Variants in GSE1 observed in about 807,000 individuals in gnomAD.
The protein encoded by GSE1 is Gse1 coiled-coil protein, also known as genetic suppressor element 1.
GSE1 carries 32 observed loss-of-function variants against 112.6 expected under a neutral mutation model. The ratio of observed to expected loss-of-function variants is 0.28; its 90% CI spans 0.21 to 0.38. The LOEUF is 0.38. Among genes scored for constraint, GSE1 ranks in the 10% least tolerant of loss-of-function variants. GSE1 has a pLI of 1.00. For synonymous variants in GSE1, 1,115 were observed against 735.6 expected (o/e 1.52, Z -8.35); for missense variants, 2,348 against 1,699.2 (o/e 1.38, Z -6.71).
intron 1 of GSE1, among the ~76,000 whole-genome samples, chr16:85,563,134 G>C (rs1195015663): frequency 6.6e-6 from 1 of 152,050 alleles, no homozygotes; most frequent in Non-Finnish European, 1.5e-5. Flanking sequence ...AGGGAGTTCG[G>C]GGGTGAGGGA....
intron 1 of GSE1, among the ~76,000 whole-genome samples, chr16:85,228,933 C>T (rs1366868540): frequency 3.9e-5 from 6 of 152,242 alleles, no homozygotes; most frequent in Admixed American, 3.9e-4. Context: ...GCCATCCCAG[C>T]CTTGCAGCCT....
At chr16:85,441,055 C>T (rs1467917098) in intron 2 of GSE1, among the ~76,000 whole-genome samples, 1 of 152,204 alleles carries the variant, frequency 6.6e-6, no homozygotes, top group African/African-American at 2.4e-5. Context: ...AGATGGGTGG[C>T]AGCTGATCCC....
upstream of GSE1, among the ~76,000 whole-genome samples, chr16:85,554,506 G>C (rs1299869801): frequency 6.6e-6 from 1 of 152,176 alleles, no homozygotes; most frequent in Non-Finnish European, 1.5e-5. Flanking sequence ...CCAGTGCAGG[G>C]AGAGTGTGGG....
intron 2 of GSE1, among the ~76,000 whole-genome samples, chr16:85,546,576 G>A (rs1453783905): frequency 6.6e-6 from 1 of 152,214 alleles, no homozygotes; most frequent in Non-Finnish European, 1.5e-5. Context: ...AGGTGTTGCT[G>A]GCTTCAGTAT....
intron 1 of GSE1, among the ~76,000 whole-genome samples, chr16:85,208,866 A>G (rs1316594666): frequency 1.5e-4 from 13 of 87,204 alleles, no homozygotes; most frequent in African/African-American, 2.6e-4. Flanking sequence ...GGTTCACCAT[A>G]TGTTGGGGTT....
At chr16:85,655,126 G>A (rs1270361999) in intron 5 of GSE1, 135 bp downstream of exon 5, 4 of 669,442 alleles carry the variant, frequency 6.0e-6, no homozygotes, top group Non-Finnish European at 1.1e-5. Flanking sequence ...CCCTGAAATC[G>A]TCCCCAGCTT....
At chr16:85,386,438 G>A (rs1597565246) in intron 2 of GSE1, among the ~76,000 whole-genome samples, 1 of 152,184 alleles carries the variant, frequency 6.6e-6, no homozygotes, top group Admixed American at 6.5e-5. Context: ...CGTAACGCAC[G>A]GGGGTTTGAG....
chr16:85,588,843 A>G (rs994007089), intron 1 of GSE1, among the ~76,000 whole-genome samples: 3 of 152,238 alleles, frequency 2.0e-5, no homozygotes, highest in African/African-American at 4.8e-5. Flanking sequence ...GCTGCCTCCC[A>G]AAACGGCCCT....
rs1333607150 is a variant in GSE1 at position 85,427,516 on chromosome 16, C to T, written c.2464+69873C>T. On this transcript the variant is annotated intron_variant, in intron 2 of 2. Coordinates refer to the GSE1 transcript ENST00000637419. ...AATCAGCCGGGCATGGTGGCAGGCA[C>T]CTGTAATCCCAGCTACTCGGGAGCC... 2.6e-5 allele frequency among the ~76,000 whole-genome samples: 4 copies of T among 152,290 alleles called. No individual in the cohort carries two copies. The South Asian group carries it at 6.2e-4, about 24-fold the overall frequency.
intron 2 of GSE1, among the ~76,000 whole-genome samples, chr16:85,505,751 ACT>A (rs1398912893): frequency 6.6e-6 from 1 of 152,064 alleles, no homozygotes; most frequent in Non-Finnish European, 1.5e-5. Context: ...GGGTGCGGTA[ACT>A]CACACCTGCA....
At chr16:85,245,095 A>C (rs1278315947) in intron 1 of GSE1, among the ~76,000 whole-genome samples, 1 of 151,982 alleles carries the variant, frequency 6.6e-6, no homozygotes, top group Non-Finnish European at 1.5e-5. Context: ...CCAGGAGTTC[A>C]GGGCTGCAGT....
intron 1 of GSE1, among the ~76,000 whole-genome samples, chr16:85,565,746 G>A (rs1315814526): frequency 6.6e-6 from 1 of 152,226 alleles, no homozygotes; most frequent in Non-Finnish European, 1.5e-5. Flanking sequence ...TTGAGAGCAG[G>A]CTGTGGGGTG....
chr16:85,670,961 A>G, intron 14 of GSE1, 34 bp from the exon 15 acceptor site: 1 of 1,365,640 alleles, frequency 7.3e-7, no homozygotes, highest in Non-Finnish European at 1.0e-6. Flanking sequence ...GCTCCTGCAT[A>G]CGGAAAATAC....
intron 1 of GSE1, among the ~76,000 whole-genome samples, chr16:85,293,052 G>A (rs950667455): frequency 2.0e-5 from 3 of 152,122 alleles, no homozygotes; most frequent in African/African-American, 4.8e-5. Flanking sequence ...CACCGCCACC[G>A]TGTTGCTGAA....
chr16:85,193,414 T>C (rs2074864803), intron 1 of GSE1, among the ~76,000 whole-genome samples: 1 of 152,192 alleles, frequency 6.6e-6, no homozygotes, highest in East Asian at 1.9e-4. Context: ...ATATCATAGC[T>C]TACTGAAGCT....
chr16:85,463,991 C>T (rs2279352), intron 2 of GSE1, among the ~76,000 whole-genome samples: 78,546 of 151,960 alleles, frequency 0.52, 21,839 homozygotes, highest in Non-Finnish European at 0.62. Flanking sequence ...GGGACGCTGG[C>T]CTCAGGACTG....
chr16:85,607,380 G>T (rs539897080), upstream of GSE1, among the ~76,000 whole-genome samples: 1 of 152,228 alleles, frequency 6.6e-6, no homozygotes, highest in Non-Finnish European at 1.5e-5. Context: ...CTTTCCAGCC[G>T]CGGTGGCGGC....
At chr16:85,439,607 G>T (rs964866976) in intron 2 of GSE1, among the ~76,000 whole-genome samples, 1 of 152,176 alleles carries the variant, frequency 6.6e-6, no homozygotes, top group African/African-American at 2.4e-5. Flanking sequence ...CTGTGTCAGT[G>T]GGGGGTGGGC....
chr16:85,476,588 C>T (rs12918171), intron 2 of GSE1, among the ~76,000 whole-genome samples: 75,333 of 151,926 alleles, frequency 0.5, 19,251 homozygotes, highest in Non-Finnish European at 0.52. Context: ...GTTCCCACTG[C>T]CTGGAATGCT....
Sources: allele counts gnomAD v4.1 joint callset (sites outside exome capture counted in the v4.1 genomes callset), GRCh38; gene constraint gnomAD v4.1.1; transcripts MANE v1.5; gene names NCBI Gene and HGNC (gene_info 2026-07-23, HGNC 2026-07-21).